LAMA3: variants seen among roughly 807,000 people sequenced by gnomAD.
The protein encoded by LAMA3 is laminin subunit alpha 3, also known as laminin subunit alpha-3.
A neutral mutation model predicts 402.0 loss-of-function variants in LAMA3; 281 were observed. The observed-to-expected ratio is 0.70, with a 90% CI of 0.63 to 0.77. The LOEUF (loss-of-function observed/expected upper bound fraction) is 0.77, where lower values mean the gene tolerates loss of function less well. Ranked by LOEUF, LAMA3 falls within the 30% of genes least tolerant of loss-of-function variation. LAMA3 has a pLI of 0.00. For synonymous variants in LAMA3, 1,431 were observed against 1,558.4 expected (o/e 0.92, Z 1.93); for missense variants, 3,840 against 4,215.5 (o/e 0.91, Z 2.47).
At chr18:23,780,143 T>A (rs1306818243) in intron 11 of LAMA3, among the ~76,000 whole-genome samples, 1 of 152,182 alleles carries the variant, frequency 6.6e-6, no homozygotes, top group Non-Finnish European at 1.5e-5. Context: ...TAGCATATTC[T>A]TCATTCATTA....
intron 47 of LAMA3, 56 bp downstream of exon 47, chr18:23,899,511 A>T (rs2080995654): frequency 6.5e-7 from 1 of 1,550,224 alleles, no homozygotes; most frequent in Non-Finnish European, 8.9e-7. Context: ...TTGAAACACA[A>T]CGTGCAGAGT....
intron 70 of LAMA3, 54 bp downstream of exon 70, chr18:23,946,338 G>C (rs1054439002): frequency 2.6e-6 from 4 of 1,548,582 alleles, no homozygotes; most frequent in Non-Finnish European, 2.7e-6. Context: ...TATATTATAG[G>C]CATAATTGTA....
rs991366112 is a variant in LAMA3, at chr18:23,737,180, C to T, written c.448-10763C>T. ...CTGGCTTACCTGTCCACCTCCCTGG[C>T]TCCTGTTGTACTCCATGTCCCTTCT... is the stretch of plus-strand genomic sequence containing the variant. On this transcript the variant is annotated intron_variant, in intron 2 of 74. Transcript: ENST00000313654. 2.6e-5 allele frequency among the ~76,000 whole-genome samples: 4 copies of T among 152,200 alleles called. No individual in the cohort carries two copies. The South Asian group carries it at 8.3e-4, about 32-fold the overall frequency.
chr18:23,900,925 G>C (rs1325966221), intron 47 of LAMA3, among the ~76,000 whole-genome samples: 1 of 152,150 alleles, frequency 6.6e-6, no homozygotes, highest in African/African-American at 2.4e-5. Context: ...ATAATTTATT[G>C]TTTTCCTGTG....
At chr18:23,872,923 G>T (rs1369722751) in intron 38 of LAMA3, 1 of 1,265,326 alleles carries the variant, frequency 7.9e-7, no homozygotes, top group Non-Finnish European at 1.1e-6. Context: ...TAAAGGTGGG[G>T]CCCCTGCCGC....
intron 40 of LAMA3, among the ~76,000 whole-genome samples, chr18:23,883,601 T>C (rs554263265): frequency 1.3e-5 from 2 of 152,288 alleles, no homozygotes; most frequent in East Asian, 3.9e-4. Flanking sequence ...AGAGACCTAT[T>C]TGGAATGCTC....
At chr18:23,812,064 G>A (rs1472346267) in intron 13 of LAMA3, among the ~76,000 whole-genome samples, 1 of 151,876 alleles carries the variant, frequency 6.6e-6, no homozygotes, top group Non-Finnish European at 1.5e-5. Context: ...TAGTAGAGAT[G>A]GGGTTTCACC....
chr18:23,857,892 G>A lies in LAMA3; in HGVS notation c.4185G>A (p.Gly1395=). The stretch of plus-strand genomic sequence containing the variant: ...GGCAGTGTGACCGATGTGCTTCCGG[G>A]TTTTACCGCTTTCCTGAGTGTGTTC... ...TGRQCDRCAS[G]FYRFPECVPC... The change falls in exon 33 of 75, where the codon GGG becomes GGA. Residue 1395 remains glycine (G), a synonymous_variant. Coordinates refer to ENST00000313654, the MANE Select transcript of LAMA3 (RefSeq NM_198129.4). 1 of 1,614,206 alleles carries A rather than the reference G, an allele frequency of 6.2e-7. No homozygotes were observed. The highest frequency in any genetic ancestry group is 8.5e-7 in the Non-Finnish European group (1 of 1,180,038).
intron 68 of LAMA3, among the ~76,000 whole-genome samples, chr18:23,941,496 A>G (rs2082521042): frequency 1.3e-5 from 2 of 152,104 alleles, no homozygotes; most frequent in Admixed American, 6.5e-5. Flanking sequence ...AGTAAATATA[A>G]TTTTCAACTT....
intron 74 of LAMA3, among the ~76,000 whole-genome samples, chr18:23,953,325 G>T (rs2082987339): frequency 3.0e-5 from 4 of 133,952 alleles, no homozygotes; most frequent in African/African-American, 5.6e-5. Context: ...CTGTAATTTT[G>T]TTTTTTTTTT....
intron 29 of LAMA3, among the ~76,000 whole-genome samples, chr18:23,844,702 T>A (rs1035178990): frequency 6.6e-6 from 1 of 152,140 alleles, no homozygotes; most frequent in Non-Finnish European, 1.5e-5. Context: ...AGGTTGAAAA[T>A]CTCTTATCTG....
chr18:23,931,349 A>G, intron 65 of LAMA3, 148 bp downstream of exon 65: 1 of 701,432 alleles, frequency 1.4e-6, no homozygotes, highest in Non-Finnish European at 2.5e-6. Context: ...CTTTTTCCAT[A>G]TCAATTTCTT....
chr18:23,826,307 T>C (rs542277692), intron 21 of LAMA3, among the ~76,000 whole-genome samples: 4 of 152,348 alleles, frequency 2.6e-5, no homozygotes, highest in African/African-American at 9.6e-5. Context: ...TGAGCGTTAC[T>C]CGGGTGTGGG....
At position 23,817,150 on chromosome 18, in the gene LAMA3, A is replaced by G. The variant is rs1160161473; in HGVS notation, c.2147+663A>G. Reference sequence around the variant, plus strand: ...TTGTCTCATGCAGAAGCAGGTGACAATGAACTATAGGAGCGAGGGAATGAG... The same window carrying G: ...TTGTCTCATGCAGAAGCAGGTGACAGTGAACTATAGGAGCGAGGGAATGAG... On this transcript the variant is annotated intron_variant, in intron 18 of 74. Coordinates refer to ENST00000313654, the MANE Select transcript of LAMA3 (RefSeq NM_198129.4). 2.6e-5 allele frequency among the ~76,000 whole-genome samples: 4 copies of G among 152,212 alleles called. No homozygotes were observed. The East Asian group carries it at 7.7e-4, about 29-fold the overall frequency.
intron 12 of LAMA3, among the ~76,000 whole-genome samples, chr18:23,785,392 C>G (rs914033179): frequency 6.6e-6 from 1 of 152,200 alleles, no homozygotes; most frequent in African/African-American, 2.4e-5. Context: ...CTCCCCTAAG[C>G]TGGAGGACAA....
intron 14 of LAMA3, among the ~76,000 whole-genome samples, chr18:23,813,891 C>G (rs1381453220): frequency 6.6e-6 from 1 of 152,120 alleles, no homozygotes; most frequent in African/African-American, 2.4e-5. Context: ...GTCTTCTTGG[C>G]CTCAGAGCCT....
chr18:23,854,707 G>A (rs919577270), intron 32 of LAMA3, among the ~76,000 whole-genome samples: 5 of 150,450 alleles, frequency 3.3e-5, no homozygotes, highest in East Asian at 2.0e-4. Context: ...CTCCAGGGCC[G>A]GATGTGGTGG....
intron 23 of LAMA3, among the ~76,000 whole-genome samples, chr18:23,831,723 G>A (rs1485434097): frequency 6.6e-6 from 1 of 152,082 alleles, no homozygotes; most frequent in Non-Finnish European, 1.5e-5. Context: ...CATAGCATAG[G>A]TATTCAGTAA....
intron 36 of LAMA3, among the ~76,000 whole-genome samples, chr18:23,867,073 CA>C (rs988243703): frequency 2.6e-5 from 4 of 152,152 alleles, no homozygotes; most frequent in Non-Finnish European, 4.4e-5. Context: ...CTGGGTCCCA[CA>C]GGGGGAGGCA....
Sources: allele counts gnomAD v4.1 joint callset (sites outside exome capture counted in the v4.1 genomes callset), GRCh38; gene constraint gnomAD v4.1.1; transcripts MANE v1.5; gene names NCBI Gene and HGNC (gene_info 2026-07-23, HGNC 2026-07-21).